Variants in KCNK9 observed in about 807,000 individuals in gnomAD.
The protein encoded by KCNK9 is potassium channel subfamily K member 9.
KCNK9 carries 1 observed loss-of-function variant against 10.8 expected under a neutral mutation model. The ratio of observed to expected loss-of-function variants is 0.09; its 90% CI spans 0.03 to 0.44. The LOEUF (loss-of-function observed/expected upper bound fraction) is 0.44, where lower values mean the gene tolerates loss of function less well. Among genes scored for constraint, KCNK9 ranks in the 20% least tolerant of loss-of-function variants. KCNK9 has a pLI of 0.97. For missense variants in KCNK9, 303 were observed against 515.0 expected (o/e 0.59, Z 3.98); for synonymous variants, 231 against 222.7 (o/e 1.04, Z -0.33).
At chr8:139,684,796 A>G (rs914415135) in intron 1 of KCNK9, among the ~76,000 whole-genome samples, 57 of 152,376 alleles carry the variant, frequency 3.7e-4, no homozygotes, top group African/African-American at 1.4e-3. Flanking sequence ...AGTAGACCTG[A>G]TAATAATTAT....
At chr8:139,675,746 T>C (rs1047217232) in intron 1 of KCNK9, among the ~76,000 whole-genome samples, 9 of 151,708 alleles carry the variant, frequency 5.9e-5, no homozygotes, top group African/African-American at 1.9e-4. Flanking sequence ...AGCTTATGTG[T>C]CCCCCACCCT....
At position 139,663,617 on chromosome 8, in the gene KCNK9, T is replaced by C. The variant is rs548715514; in HGVS notation, c.283+39093A>G. On this transcript the variant is annotated intron_variant, in intron 1 of 1. Coordinates refer to ENST00000520439, the MANE Select transcript of KCNK9 (RefSeq NM_001282534.2). ...ACAGAGGGAAACCCAGGCATTCACG[T>C]TTTCCCCCCAGGAACAGACGCGCGT... Among the ~76,000 whole-genome samples, 4 of 148,312 alleles carry C rather than the reference T, an allele frequency of 2.7e-5. No individual in the cohort carries two copies. In the South Asian group the frequency reaches 6.6e-4, roughly 25 times the overall value.
At chr8:139,688,399 G>A (rs1816866215) in intron 1 of KCNK9, among the ~76,000 whole-genome samples, 1 of 152,162 alleles carries the variant, frequency 6.6e-6, no homozygotes, top group South Asian at 2.1e-4. Context: ...AGGGAAGCAG[G>A]CAACTTCTTC....
chr8:139,689,016 C>A (rs964499957), intron 1 of KCNK9, among the ~76,000 whole-genome samples: 2 of 152,100 alleles, frequency 1.3e-5, no homozygotes, highest in African/African-American at 2.4e-5. Flanking sequence ...CTCGTGTGAG[C>A]CCTAATCCAA....
chr8:139,610,382 A>G (rs78814108), downstream of KCNK9, among the ~76,000 whole-genome samples: 2,025 of 152,360 alleles, frequency 0.013, 49 homozygotes, highest in African/African-American at 0.047. Flanking sequence ...CATGAAATCA[A>G]TCAGGAAACA....
At position 139,617,905 on chromosome 8, in the gene KCNK9, C is replaced by G. The variant is rs996502561; in HGVS notation, c.*353G>C. The G allele has an allele frequency of 8.9e-6, 3 of 337,182 alleles. No homozygotes were observed. Among genetic ancestry groups the G allele is most frequent in the Non-Finnish European group, 1.7e-5 (3 of 176,256 alleles). 20.9% of individuals were successfully genotyped at this position (337,182 alleles called of 1,614,324 possible). A position where few individuals can be genotyped will look rare whatever the true frequency, so the allele number is the denominator to read the frequency against. On this transcript the variant is annotated 3_prime_UTR_variant, in exon 2 of 2. Transcript: ENST00000520439. ...CTTTGGGGTGGGTATCCTCTCAGCT[C>G]TGTCTCCGTGGTCTTGGTCTCACAT...
intron 1 of KCNK9, among the ~76,000 whole-genome samples, chr8:139,657,527 C>T (rs917566791): frequency 2.0e-5 from 3 of 152,116 alleles, no homozygotes; most frequent in African/African-American, 7.2e-5. Flanking sequence ...GCCCTGTGAG[C>T]TTCCGGCACT....
chr8:139,617,971 G>A lies in KCNK9; in HGVS notation c.*287C>T. On this transcript the variant is annotated 3_prime_UTR_variant, in exon 2 of 2. Transcript: ENST00000520439. ...CACTGCAGAGATGATGGGGTGGGTGGGGTGAGAAATGTAAGGCATAGTCTG... is the reference window on the plus strand; with the variant it reads ...CACTGCAGAGATGATGGGGTGGGTGAGGTGAGAAATGTAAGGCATAGTCTG... 2.3e-6 allele frequency: 1 copy of A among 429,534 alleles called. No homozygotes were observed. Among genetic ancestry groups the A allele is most frequent in the South Asian group, 2.3e-5 (1 of 43,698 alleles). The allele number at this position is 429,534 out of a possible 1,614,324, so 26.6% of individuals were successfully genotyped here.
chr8:139,696,192 G>A (rs1817047640), intron 1 of KCNK9, among the ~76,000 whole-genome samples: 1 of 152,058 alleles, frequency 6.6e-6, no homozygotes, highest in African/African-American at 2.4e-5. Context: ...ACTTCATTAT[G>A]TGTTACATAA....
chr8:139,616,267 A>G (rs1479530570), downstream of KCNK9: 1 of 152,222 alleles, frequency 6.6e-6, no homozygotes, highest in East Asian at 1.9e-4. Context: ...CCTAGAGTCA[A>G]CAATCTCATC....
rs912189938 is a variant in KCNK9 at position 139,617,760 on chromosome 8, G to A, written c.*498C>T. On this transcript the variant is annotated 3_prime_UTR_variant, in exon 2 of 2. Coordinates refer to ENST00000520439, the MANE Select transcript of KCNK9 (RefSeq NM_001282534.2). ...TACTTCCCGTTTTGTCACGACACACGTGCACACAGAAGCACACACACAACA... is the reference window on the plus strand; with the variant it reads ...TACTTCCCGTTTTGTCACGACACACATGCACACAGAAGCACACACACAACA... Among the ~76,000 whole-genome samples the A allele has an allele frequency of 2.6e-5, 4 of 152,152 alleles. No homozygotes were observed. Among genetic ancestry groups the A allele is most frequent in the African/African-American group, 7.2e-5 (3 of 41,442 alleles).
chr8:139,702,816 G>A lies in KCNK9; in HGVS notation c.177C>T (p.Tyr59=), dbSNP rs765517619. The A allele has an allele frequency of 1.2e-6, 2 of 1,614,024 alleles. No homozygotes were observed. The highest frequency in any genetic ancestry group is 8.5e-7 in the Non-Finnish European group (1 of 1,179,984). Residue 59 remains tyrosine, a synonymous_variant, in exon 1 of 2, where the codon TAC becomes TAT. Coordinates refer to ENST00000520439, the MANE Select transcript of KCNK9 (RefSeq NM_001282534.2). The surrounding 1 kb of genome is among the most constrained non-coding windows in gnomAD (Gnocchi z 7.5). Reference sequence around the variant, plus strand: ...GCAGGATCACCAGCTCCAGCTGCCGGTAGTCCTCGCTGCTGATGTTGTACT... The same window carrying A: ...GCAGGATCACCAGCTCCAGCTGCCGATAGTCCTCGCTGCTGATGTTGTACT... The part of the protein sequence containing the change: ...KGKYNISSED[Y]RQLELVILQS...
intron 1 of KCNK9, among the ~76,000 whole-genome samples, chr8:139,701,661 G>GAGGC (rs1817222624): frequency 6.6e-6 from 1 of 152,146 alleles, no homozygotes; most frequent in Non-Finnish European, 1.5e-5. Context: ...TGGCCCTAGA[G>GAGGC]AGGCAGCCTG....
intron 1 of KCNK9, among the ~76,000 whole-genome samples, chr8:139,673,064 G>A (rs1044211208): frequency 5.3e-5 from 8 of 152,196 alleles, no homozygotes; most frequent in Non-Finnish European, 1.2e-4. Context: ...GAGAACGAGA[G>A]GCAAGAAGGT....
At chr8:139,663,626 C>T (rs1428452030) in intron 1 of KCNK9, among the ~76,000 whole-genome samples, 3 of 149,548 alleles carry the variant, frequency 2.0e-5, no homozygotes, top group Non-Finnish European at 4.4e-5. Context: ...GTTTTCCCCC[C>T]AGGAACAGAC....
At position 139,677,956 on chromosome 8, in the gene KCNK9, CTA is replaced by C. The variant is rs1262377544; in HGVS notation, c.283+24752_283+24753del. Among the ~76,000 whole-genome samples, 45 of 146,622 alleles carry C rather than the reference CTA, an allele frequency of 3.1e-4. 1 individual carries two copies. The highest frequency in any genetic ancestry group is 1.1e-3 in the African/African-American group (41 of 36,258). On this transcript the variant is annotated intron_variant, in intron 1 of 1. Coordinates refer to ENST00000520439, the MANE Select transcript of KCNK9 (RefSeq NM_001282534.2). ...CCTCACATCTCAGCCCAATGAGTCCCTACAGCTGCAGAGTAATACCTCACATC... is the reference window on the plus strand; with the variant it reads ...CCTCACATCTCAGCCCAATGAGTCCCCAGCTGCAGAGTAATACCTCACATC...
intron 1 of KCNK9, among the ~76,000 whole-genome samples, chr8:139,675,040 A>G (rs1279321861): frequency 6.6e-6 from 1 of 152,204 alleles, no homozygotes; most frequent in African/African-American, 2.4e-5. Flanking sequence ...AATGGATTCA[A>G]TCCTGGCTCT....
At chr8:139,611,986 C>A (rs1170034834), downstream of KCNK9, 1 of 152,194 alleles carries the variant, frequency 6.6e-6, no homozygotes, top group Non-Finnish European at 1.5e-5. Context: ...GTGGCCGGGG[C>A]CATAGAAGGT....
At chr8:139,675,814 T>C (rs1053390966) in intron 1 of KCNK9, among the ~76,000 whole-genome samples, 1 of 152,106 alleles carries the variant, frequency 6.6e-6, no homozygotes, top group African/African-American at 2.4e-5. Context: ...AGAAGCCTCC[T>C]GTGACAGAAC....
Sources: allele counts gnomAD v4.1 joint callset (sites outside exome capture counted in the v4.1 genomes callset), GRCh38; gene constraint gnomAD v4.1.1; non-coding constraint Gnocchi (gnomAD v3.1); transcripts MANE v1.5; gene names NCBI Gene and HGNC (gene_info 2026-07-23, HGNC 2026-07-21).